Variants in CDH16 observed in about 807,000 individuals in gnomAD.
The protein encoded by CDH16 is cadherin 16.
In CDH16, 79 loss-of-function variants were observed where a neutral mutation model predicts 87.6. The observed-to-expected ratio is 0.90, with a 90% confidence interval of 0.75 to 1.09. The LOEUF (loss-of-function observed/expected upper bound fraction) is 1.09. Ranked by LOEUF, CDH16 falls within the 50% of genes least tolerant of loss-of-function variation. The pLI is 0.00. For missense variants in CDH16, 1,124 were observed against 1,071.7 expected (o/e 1.05, Z -0.68); for synonymous variants, 457 against 439.5 (o/e 1.04, Z -0.50).
chr16:66,912,977 A>C, intron 9 of CDH16, 86 bp from the exon 10 acceptor site: 1 of 1,438,232 alleles, frequency 7.0e-7, no homozygotes, highest in Non-Finnish European at 9.6e-7. Context: ...GCCAAACTAA[A>C]CTGAATTTGA....
chr16:66,915,587 G>A (rs1265482261), intron 5 of CDH16, among the ~76,000 whole-genome samples: 1 of 152,230 alleles, frequency 6.6e-6, no homozygotes, highest in Non-Finnish European at 1.5e-5. Context: ...GAGGAACAAG[G>A]TGGGACAGAA....
Position 66,911,916 on chromosome 16 carries a change from G to A in CDH16, c.1773C>T (p.Pro591=), listed in dbSNP as rs1220421146. 12 of 1,602,416 alleles carry A rather than the reference G, an allele frequency of 7.5e-6. No individual in the cohort carries two copies. The highest frequency in any genetic ancestry group is 7.7e-6 in the Non-Finnish European group (9 of 1,171,600). ...SFLLTIQPSD[P]ISRTLRFSLV... The stretch of plus-strand genomic sequence containing the variant: ...TAGCTCACCTGAGGGTTCGGCTGAT[G>A]GGGTCGGAGGGCTGGATGGTCAGCA... Residue 591 remains proline (P), a synonymous_variant, in exon 13 of 18, where the codon CCC becomes CCT. Transcript: ENST00000299752.
Position 66,912,857 on chromosome 16 carries a change from T to A in CDH16, c.1089A>T (p.Ala363=). 2 of 1,612,950 alleles carry A rather than the reference T, an allele frequency of 1.2e-6. No homozygotes were observed. The highest frequency in any genetic ancestry group is 1.7e-6 in the Non-Finnish European group (2 of 1,179,998). The part of the protein sequence containing the change: ...TEVTRLSAED[A]DAPGSPNSHV... ...GGGAATTGGGGGAGCCGGGGGCATC[T>A]GCATCCTCTGCTGACAGTCTAGTCA... is the stretch of plus-strand genomic sequence containing the variant. The change falls in exon 10 of 18, where the codon GCA becomes GCT. Residue 363 remains alanine (A), a synonymous_variant. Coordinates refer to ENST00000299752, the MANE Select transcript of CDH16 (RefSeq NM_004062.4).
intron 3 of CDH16, among the ~76,000 whole-genome samples, chr16:66,917,222 C>T (rs1371748976): frequency 2.6e-5 from 4 of 152,064 alleles, no homozygotes; most frequent in South Asian, 4.1e-4. Flanking sequence ...TCTCTTGAAC[C>T]CAGGACGTGG....
intron 2 of CDH16, 114 bp from the exon 3 acceptor site, chr16:66,917,839 A>G: frequency 9.6e-7 from 1 of 1,044,606 alleles, no homozygotes; most frequent in African/African-American, 1.6e-5. Flanking sequence ...ACCTTAGTCC[A>G]TCCACCCGCG....
intron 6 of CDH16, among the ~76,000 whole-genome samples, chr16:66,914,905 G>A (rs938286363): frequency 1.3e-4 from 20 of 152,110 alleles, no homozygotes; most frequent in Non-Finnish European, 2.5e-4. Flanking sequence ...CCAGGTCCAG[G>A]TCTCTTCCGC....
In CDH16 at chr16:66,915,413, A is replaced by C. The variant is rs201092000; in HGVS notation, c.425-35T>G. Reference sequence around the variant, plus strand: ...GGTGGGAGGGCAAACTGTAAGGGATAGAGAGGGTGGGGAGAGTCTCCCATG... The same window carrying C: ...GGTGGGAGGGCAAACTGTAAGGGATCGAGAGGGTGGGGAGAGTCTCCCATG... On this transcript the variant is annotated intron_variant, in intron 5 of 17. Transcript: ENST00000299752. 4.1e-4 allele frequency: 651 copies of C among 1,604,418 alleles called. 2 individuals are homozygous for C. In the African/African-American group the frequency reaches 8.1e-3, roughly 20 times the overall value.
intron 1 of CDH16, among the ~76,000 whole-genome samples, chr16:66,918,351 C>T (rs1475971622): frequency 1.3e-5 from 2 of 152,252 alleles, no homozygotes; most frequent in Non-Finnish European, 2.9e-5. Flanking sequence ...TCACCATAGC[C>T]TCCCCAGGCC....
In CDH16 at chr16:66,912,724, G is replaced by A. The variant is rs758455965; in HGVS notation, c.1222C>T (p.Arg408Ter). ...AGAAGCAGGATGTTCTGGCCTGCTC[G>A]GAGTGGGAGCACCCCCAGCGTCACA... ...GSVTLGVLPL[R>*]AGQNILLLVL... Residue 408 changes from arginine (R) to a stop codon, truncating the protein, a stop_gained, in exon 10 of 18, where the codon CGA becomes TGA. Coordinates refer to ENST00000299752, the MANE Select transcript of CDH16 (RefSeq NM_004062.4). LOFTEE classifies it high-confidence loss of function. 46 of 1,613,802 alleles carry A rather than the reference G, an allele frequency of 2.9e-5. No homozygotes were observed. Among genetic ancestry groups the A allele is most frequent in the Non-Finnish European group, 3.6e-5 (42 of 1,180,040 alleles).
intron 14 of CDH16, chr16:66,910,894 C>T (rs1055732631): frequency 2.3e-6 from 1 of 430,266 alleles, no homozygotes; most frequent in Non-Finnish European, 4.1e-6. Flanking sequence ...ATACCAGTCC[C>T]TGAAGCTGAC....
chr16:66,911,127 G>C, intron 14 of CDH16, 55 bp downstream of exon 14: 1 of 1,546,570 alleles, frequency 6.5e-7, no homozygotes, highest in Non-Finnish European at 8.8e-7. Context: ...CCTGCTGTCT[G>C]TCTGTCTGAG....
rs766100275 is a variant in CDH16, at chr16:66,910,314, T to C, written c.2113A>G (p.Thr705Ala). 2.6e-5 allele frequency: 42 copies of C among 1,613,012 alleles called. No individual in the cohort carries two copies. The East Asian group carries it at 9.1e-4, about 35-fold the overall frequency. ...TGCACCGTGGGGTTGGGACCAAGGG[T>C]GAAGCTGTAGGGACCGTGCCCACTG... ...LASGHGPYSFTLGPNPTVQRD... is the reference protein window; with the variant it reads ...LASGHGPYSFALGPNPTVQRD... Residue 705 changes from threonine to alanine, a missense_variant, in exon 15 of 18, where the codon ACC (threonine) becomes GCC (alanine). Coordinates refer to ENST00000299752, the MANE Select transcript of CDH16 (RefSeq NM_004062.4).
Position 66,913,234 on chromosome 16 carries a change from C to T in CDH16, c.951G>A (p.Ala317=), listed in dbSNP as rs774103381. The change falls in exon 9 of 18, where the codon GCG becomes GCA. Residue 317 remains alanine, a synonymous_variant. Transcript: ENST00000299752. ...RAQNSHGEDY[A]APLELHVLVM... ...CCAGCACGTGCAGCTCCAGAGGGGC[C>T]GCATAGTCCTCGCCATGGGAATTCT... 24 of 1,581,286 alleles carry T rather than the reference C, an allele frequency of 1.5e-5. No individual in the cohort carries two copies. Among genetic ancestry groups the T allele is most frequent in the South Asian group, 3.5e-5 (3 of 85,558 alleles).
intron 7 of CDH16, 59 bp downstream of exon 7, chr16:66,914,157 C>A: frequency 1.4e-6 from 2 of 1,445,556 alleles, no homozygotes; most frequent in Admixed American, 1.8e-5. Context: ...ATCCATGAGA[C>A]TCGGGCCTGG....
intron 7 of CDH16, 26 bp from the exon 8 acceptor site, chr16:66,913,639 G>A (rs1420711345): frequency 6.2e-7 from 1 of 1,612,568 alleles, no homozygotes; most frequent in Non-Finnish European, 8.5e-7. Flanking sequence ...CGGGCCAAGG[G>A]GCAGGAACAA....
chr16:66,911,827 C>T, intron 13 of CDH16, 72 bp downstream of exon 13: 1 of 1,498,550 alleles, frequency 6.7e-7, no homozygotes, highest in Non-Finnish European at 8.9e-7. Flanking sequence ...TGAGTCCCCT[C>T]TGAGGCCCTG....
In CDH16 at chr16:66,915,321, G is replaced by T; in HGVS notation, c.482C>A (p.Ser161Ter). Residue 161 changes from serine to a stop codon, truncating the protein, a stop_gained, in exon 6 of 18, where the codon TCG becomes TAG. Transcript: ENST00000299752. LOFTEE classifies it high-confidence loss of function. ...SDRDEPGTAN[S>*]DLRFHILSQA... ...GCTCAGGATGTGGAATCGAAGATCCGAGTTGGCTGTGCCTGGCTCATCCCG... is the reference window on the plus strand; with the variant it reads ...GCTCAGGATGTGGAATCGAAGATCCTAGTTGGCTGTGCCTGGCTCATCCCG... 2 of 1,614,012 alleles carry T rather than the reference G, an allele frequency of 1.2e-6. No homozygotes were observed. Among genetic ancestry groups the T allele is most frequent in the Non-Finnish European group, 1.7e-6 (2 of 1,179,986 alleles).
At position 66,916,053 on chromosome 16, in the gene CDH16, C is replaced by T; in HGVS notation, c.424+12G>A. The stretch of plus-strand genomic sequence containing the variant: ...CTGACCTTACTGTAAATTGGCTGCC[C>T]TGGTCACTCACCAGGCCTGGTACCC... On this transcript the variant is annotated intron_variant, in intron 5 of 17. Transcript: ENST00000299752. The surrounding 1 kb of genome is among the most constrained non-coding windows in gnomAD (Gnocchi z 4.1). 6.2e-7 allele frequency: 1 copy of T among 1,614,078 alleles called. No homozygotes were observed. The highest frequency in any genetic ancestry group is 8.5e-7 in the Non-Finnish European group (1 of 1,180,036).
At chr16:66,913,982 C>A (rs1009691579) in intron 7 of CDH16, among the ~76,000 whole-genome samples, 2 of 152,188 alleles carry the variant, frequency 1.3e-5, no homozygotes, top group Admixed American at 6.5e-5. Flanking sequence ...TGGGCAAGTT[C>A]AAGAGGTCAG....
Sources: allele counts gnomAD v4.1 joint callset (sites outside exome capture counted in the v4.1 genomes callset), GRCh38; gene constraint gnomAD v4.1.1; non-coding constraint Gnocchi (gnomAD v3.1); transcripts MANE v1.5; gene names NCBI Gene and HGNC (gene_info 2026-07-23, HGNC 2026-07-21).